The following ARHGAP15 variants were observed in gnomAD, a reference collection of about 807,000 sequenced individuals.
ARHGAP15 encodes Rho GTPase activating protein 15.
In ARHGAP15, 51 loss-of-function variants were observed where a neutral mutation model predicts 63.7. The observed-to-expected ratio is 0.80, with a 90% CI of 0.64 to 1.01. The LOEUF (loss-of-function observed/expected upper bound fraction) is 1.01. ARHGAP15 is among the 50% of genes least tolerant of loss of function. The probability of loss-of-function intolerance (pLI) is 0.00; values close to 1 mark genes in which losing one functional copy is unlikely to be tolerated. For synonymous variants in ARHGAP15, 191 were observed against 193.8 expected, an observed-to-expected ratio of 0.99 and a Z score of 0.12; for missense variants, 560 against 564.6, an observed-to-expected ratio of 0.99 and a Z score of 0.08.
intron 8 of ARHGAP15, among the ~76,000 whole-genome samples, chr2:143,470,978 C>G (rs559910770): frequency 7.0e-6 from 1 of 142,284 alleles, no homozygotes; most frequent in Non-Finnish European, 1.6e-5. Flanking sequence ...TGTACATACA[C>G]ACGTGTATCA....
chr2:143,455,302 A>T (rs146422205), intron 8 of ARHGAP15, among the ~76,000 whole-genome samples: 2 of 152,072 alleles, frequency 1.3e-5, no homozygotes, highest in African/African-American at 4.8e-5. Flanking sequence ...GATGCATTAT[A>T]GTTAGTGTAT....
At chr2:143,559,792 C>T (rs1311699694) in intron 11 of ARHGAP15, among the ~76,000 whole-genome samples, 1 of 152,142 alleles carries the variant, frequency 6.6e-6, no homozygotes, top group African/African-American at 2.4e-5. Flanking sequence ...AATAAACTGG[C>T]AATGCAGGGA....
At chr2:143,520,280 G>T (rs774975540) in intron 10 of ARHGAP15, among the ~76,000 whole-genome samples, 1 of 152,112 alleles carries the variant, frequency 6.6e-6, no homozygotes, top group Non-Finnish European at 1.5e-5. Flanking sequence ...CTAGGAAAAA[G>T]CCATTTTAAT....
chr2:143,375,217 T>C (rs2104925665), intron 6 of ARHGAP15, among the ~76,000 whole-genome samples: 1 of 152,310 alleles, frequency 6.6e-6, no homozygotes, highest in East Asian at 1.9e-4. Context: ...AAAATGTGTG[T>C]GTTCCTAGTA....
intron 11 of ARHGAP15, among the ~76,000 whole-genome samples, chr2:143,618,216 A>G (rs1698518829): frequency 6.6e-6 from 1 of 152,220 alleles, no homozygotes; most frequent in Admixed American, 6.5e-5. Flanking sequence ...CTTACTTTTG[A>G]TCCATTCCTT....
At chr2:143,343,247 C>T (rs1022343504) in intron 6 of ARHGAP15, among the ~76,000 whole-genome samples, 5 of 151,866 alleles carry the variant, frequency 3.3e-5, no homozygotes, top group African/African-American at 1.2e-4. Context: ...GACAAGGGAG[C>T]ATGGAGAGAG....
intron 3 of ARHGAP15, among the ~76,000 whole-genome samples, chr2:143,208,731 A>G (rs1009165244): frequency 6.6e-6 from 1 of 152,196 alleles, no homozygotes; most frequent in Non-Finnish European, 1.5e-5. Flanking sequence ...ATAACTGTTC[A>G]TGAGACCTAA....
chr2:143,303,176 C>T (rs533786394), intron 6 of ARHGAP15, among the ~76,000 whole-genome samples: 2 of 151,580 alleles, frequency 1.3e-5, no homozygotes, highest in East Asian at 4.0e-4. Context: ...TCTAATTAAA[C>T]TAAAGAGCTT....
intron 2 of ARHGAP15, among the ~76,000 whole-genome samples, chr2:143,189,159 C>T (rs1158611786): frequency 6.6e-6 from 1 of 152,134 alleles, no homozygotes; most frequent in Non-Finnish European, 1.5e-5. Context: ...TTCTAGCCTC[C>T]AGTCAGTTTT....
chr2:143,530,025 A>C lies in ARHGAP15; in HGVS notation c.925+10661A>C, dbSNP rs1574585158. Among the ~76,000 whole-genome samples the C allele has an allele frequency of 3.3e-5, 5 of 152,282 alleles. 1 individual carries two copies. The highest frequency in any genetic ancestry group is 3.3e-4 in the Admixed American group (5 of 15,280). ...GGGCCTCAATTCATAATGGATGATTAAATGGATGAAGAGACAAATATTATC... is the reference window on the plus strand; with the variant it reads ...GGGCCTCAATTCATAATGGATGATTCAATGGATGAAGAGACAAATATTATC... On this transcript the variant is annotated intron_variant, in intron 10 of 13. Coordinates refer to ENST00000295095, the MANE Select transcript of ARHGAP15 (RefSeq NM_018460.4).
intron 5 of ARHGAP15, among the ~76,000 whole-genome samples, chr2:143,239,499 T>C (rs1312445438): frequency 2.6e-5 from 4 of 152,178 alleles, no homozygotes; most frequent in Admixed American, 1.3e-4. Flanking sequence ...TCTCTGCTTC[T>C]ATGAGTTTGA....
intron 5 of ARHGAP15, among the ~76,000 whole-genome samples, chr2:143,235,700 A>G (rs1693615639): frequency 6.6e-6 from 1 of 152,126 alleles, no homozygotes; most frequent in Admixed American, 6.6e-5. Context: ...TCTTCATCTC[A>G]TTTACTGCAG....
intron 6 of ARHGAP15, among the ~76,000 whole-genome samples, chr2:143,293,379 C>A (rs1257815290): frequency 6.6e-6 from 1 of 152,114 alleles, no homozygotes; most frequent in Non-Finnish European, 1.5e-5. Context: ...TTAGTCCTCA[C>A]AACAAAGTGT....
chr2:143,158,748 T>C (rs1484310875), intron 2 of ARHGAP15, among the ~76,000 whole-genome samples: 1 of 151,908 alleles, frequency 6.6e-6, no homozygotes, highest in Non-Finnish European at 1.5e-5. Flanking sequence ...GTGAGACCTC[T>C]TAAAGGTAGA....
Position 143,703,405 on chromosome 2 carries a change from A to ATT in ARHGAP15, c.1139-6_1139-5dup. On this transcript the variant is annotated splice_polypyrimidine_tract_variant and intron_variant, in intron 12 of 13. Coordinates refer to ENST00000295095, the MANE Select transcript of ARHGAP15 (RefSeq NM_018460.4). ...TGTTTTTTCCCTAACCTTCCTTTTT[A>ATT]TTTTTTTTTCCAGAAAAGCAAGACA... The ATT allele has an allele frequency of 1.3e-6, 2 of 1,563,726 alleles. No individual in the cohort carries two copies. The highest frequency in any genetic ancestry group is 1.8e-5 in the Admixed American group (1 of 54,756).
chr2:143,742,571 G>T lies in ARHGAP15; in HGVS notation c.1245-25418G>T, dbSNP rs1686000908. Among the ~76,000 whole-genome samples, 4 of 152,196 alleles carry T rather than the reference G, an allele frequency of 2.6e-5. No individual in the cohort carries two copies. The South Asian group carries it at 8.3e-4, about 31-fold the overall frequency. On this transcript the variant is annotated intron_variant, in intron 13 of 13. Coordinates refer to ENST00000295095, the MANE Select transcript of ARHGAP15 (RefSeq NM_018460.4). ...TGGGCAGAAAAATTGAAACCAGAAT[G>T]AAAGAAAGGTTTAAAAGGAAATTGA...
At chr2:143,656,082 A>C (rs1681419600) in intron 12 of ARHGAP15, 1 of 152,122 alleles carries the variant, frequency 6.6e-6, no homozygotes, top group African/African-American at 2.4e-5. Flanking sequence ...TCTTAGTTAT[A>C]ATAGTTTCTT....
intron 8 of ARHGAP15, among the ~76,000 whole-genome samples, chr2:143,456,079 G>A (rs1435754520): frequency 6.6e-6 from 1 of 152,076 alleles, no homozygotes; most frequent in Non-Finnish European, 1.5e-5. Context: ...CTGGGTGGTA[G>A]AGCCAGAAGC....
At chr2:143,173,936 G>C (rs354696) in intron 2 of ARHGAP15, among the ~76,000 whole-genome samples, 1 of 151,804 alleles carries the variant, frequency 6.6e-6, no homozygotes, top group Non-Finnish European at 1.5e-5. Context: ...TTTTCAAGGG[G>C]TCGTTCCGAG....
Sources: allele counts gnomAD v4.1 joint callset (sites outside exome capture counted in the v4.1 genomes callset), GRCh38; gene constraint gnomAD v4.1.1; transcripts MANE v1.5; gene names NCBI Gene and HGNC (gene_info 2026-07-23, HGNC 2026-07-21).